Variants in NGEF observed in about 807,000 individuals in gnomAD.
NGEF encodes the protein neuronal guanine nucleotide exchange factor.
A neutral mutation model predicts 80.9 loss-of-function variants in NGEF; 31 were observed. That is an observed-to-expected ratio of 0.38 (90% confidence interval 0.29 to 0.52). NGEF has a LOEUF of 0.52. NGEF is among the 20% of genes least tolerant of loss of function. The pLI is 0.84. For missense variants in NGEF, 709 were observed against 926.2 expected (o/e 0.77, Z 3.04); for synonymous variants, 371 against 370.2 (o/e 1.00, Z -0.03).
chr2:232,947,878 A>G (rs915680874), intron 3 of NGEF, among the ~76,000 whole-genome samples: 10 of 152,204 alleles, frequency 6.6e-5, no homozygotes, highest in African/African-American at 2.4e-4. Context: ...TTTTGATTAC[A>G]GGAATCTAAA....
chr2:232,886,521 T>C (rs114663810), intron 9 of NGEF, among the ~76,000 whole-genome samples: 320 of 152,364 alleles, frequency 2.1e-3, no homozygotes, highest in Admixed American at 6.2e-3. Context: ...GCGAGGTGGC[T>C]AGTGAAGTTT....
intron 3 of NGEF, among the ~76,000 whole-genome samples, chr2:232,960,232 GT>G (rs1442059653): frequency 1.3e-5 from 2 of 152,188 alleles, no homozygotes; most frequent in Non-Finnish European, 2.9e-5. Flanking sequence ...ACATATTAAG[GT>G]TTTTTTCTTA....
chr2:232,969,540 A>C (rs1694143504), intron 3 of NGEF, among the ~76,000 whole-genome samples: 1 of 127,798 alleles, frequency 7.8e-6, no homozygotes, highest in Non-Finnish European at 1.6e-5. Context: ...AGACAGTCTC[A>C]CTCCATCACC....
At chr2:232,891,290 A>C in intron 8 of NGEF, 68 bp downstream of exon 8, 521 of 1,477,058 alleles carry the variant, frequency 3.5e-4, no homozygotes, top group Middle Eastern at 5.3e-4. Flanking sequence ...GAAAGCTGAC[A>C]GGGCCCGGGA....
chr2:232,934,539 C>T (rs538590830), intron 3 of NGEF, among the ~76,000 whole-genome samples: 1 of 152,270 alleles, frequency 6.6e-6, no homozygotes, highest in East Asian at 1.9e-4. Flanking sequence ...ATGTAACCTT[C>T]AGCTAAATTC....
chr2:232,887,883 A>C, intron 9 of NGEF, 150 bp downstream of exon 9: 3 of 701,646 alleles, frequency 4.3e-6, no homozygotes, highest in Non-Finnish European at 5.1e-6. Flanking sequence ...TTTAAGCCCC[A>C]GTGACTCTTT....
Position 232,888,056 on chromosome 2 carries a change from C to T in NGEF, c.1324G>A (p.Asp442Asn), listed in dbSNP as rs1049431330. Residue 442 changes from aspartate to asparagine, a missense_variant, in exon 9 of 15, where the codon GAT (aspartate) becomes AAT (asparagine). Around this residue, in one of 2 missense-constraint regions of NGEF, gnomAD observed 426 missense variants for 622.9 expected, o/e 0.68. Coordinates refer to ENST00000264051, the MANE Select transcript of NGEF (RefSeq NM_019850.3). ...ACCATTTCCAGCTCCTTGTGAGCAT[C>T]CAAAGCAGTGCACTCCCGCTCAGAC... The part of the protein sequence containing the change: ...ERSERECTAL[D>N]AHKELEMVVK... 1.9e-6 allele frequency: 3 copies of T among 1,613,910 alleles called. No homozygotes were observed. Among genetic ancestry groups the T allele is most frequent in the African/African-American group, 2.7e-5 (2 of 74,896 alleles).
intron 3 of NGEF, among the ~76,000 whole-genome samples, chr2:232,957,621 C>T (rs1027807197): frequency 6.6e-6 from 1 of 152,208 alleles, no homozygotes; most frequent in Admixed American, 6.5e-5. Flanking sequence ...CCATGCCCAG[C>T]TCAGTTATTA....
chr2:233,011,661 T>C (rs1380314090), intron 1 of NGEF, among the ~76,000 whole-genome samples: 1 of 151,352 alleles, frequency 6.6e-6, no homozygotes, highest in Non-Finnish European at 1.5e-5. Context: ...GATATGATCA[T>C]AGCCCACCGC....
intron 5 of NGEF, among the ~76,000 whole-genome samples, chr2:232,915,915 T>G (rs1232295239): frequency 6.6e-6 from 1 of 152,156 alleles, no homozygotes; most frequent in East Asian, 1.9e-4. Context: ...GGTCTCGAAC[T>G]CCCGACCTCA....
At chr2:232,881,788 G>A (rs980392715) in intron 13 of NGEF, among the ~76,000 whole-genome samples, 2 of 152,096 alleles carry the variant, frequency 1.3e-5, no homozygotes, top group African/African-American at 4.8e-5. Flanking sequence ...TGTTGGCCAG[G>A]CTTGTCTCGA....
intron 5 of NGEF, among the ~76,000 whole-genome samples, chr2:232,909,923 G>A (rs371416094): frequency 1.3e-5 from 2 of 152,202 alleles, no homozygotes; most frequent in East Asian, 1.9e-4. Flanking sequence ...GAGAAACATC[G>A]ATGCTGTCGC....
intron 3 of NGEF, among the ~76,000 whole-genome samples, chr2:232,968,913 G>A (rs922683316): frequency 6.6e-6 from 1 of 152,224 alleles, no homozygotes; most frequent in African/African-American, 2.4e-5. Context: ...TGGCTGTGAT[G>A]GCTGGAGCTT....
In NGEF at chr2:233,013,236, A is replaced by T. The variant is rs767344227; in HGVS notation, c.-243T>A. The T allele has an allele frequency of 2.1e-5, 10 of 471,052 alleles. No homozygotes were observed. The highest frequency in any genetic ancestry group is 4.0e-5 in the African/African-American group (2 of 50,056). 29.2% of individuals were successfully genotyped at this position (471,052 alleles called of 1,614,324 possible). The stretch of plus-strand genomic sequence containing the variant: ...GCCAAAAACTTCGTCCTGTCCTGGA[A>T]AAGCTTCACTGGTAAGCATTCCCGA... On this transcript the variant is annotated 5_prime_UTR_variant, in exon 1 of 15. Coordinates refer to ENST00000264051, the MANE Select transcript of NGEF (RefSeq NM_019850.3).
intron 12 of NGEF, 52 bp from the exon 13 acceptor site, chr2:232,882,317 C>T: frequency 6.6e-7 from 1 of 1,509,366 alleles, no homozygotes; most frequent in East Asian, 2.3e-5. Context: ...GGCAGCCCCC[C>T]AACGTGTGGC....
At chr2:232,920,854 G>A (rs1692928274) in intron 4 of NGEF, among the ~76,000 whole-genome samples, 1 of 152,010 alleles carries the variant, frequency 6.6e-6, no homozygotes, top group Non-Finnish European at 1.5e-5. Context: ...TCCAATATAT[G>A]CTTTCCCCAC....
At chr2:232,928,928 G>A (rs1693158683) in intron 3 of NGEF, among the ~76,000 whole-genome samples, 1 of 152,134 alleles carries the variant, frequency 6.6e-6, no homozygotes, top group Non-Finnish European at 1.5e-5. Flanking sequence ...AGCGAGGCCT[G>A]GAGGTGCCTA....
intron 3 of NGEF, among the ~76,000 whole-genome samples, chr2:232,952,124 G>A (rs565518547): frequency 6.6e-6 from 1 of 152,364 alleles, no homozygotes; most frequent in East Asian, 1.9e-4. Context: ...TGAGGGTCAT[G>A]CCTCAGGCAG....
intron 3 of NGEF, among the ~76,000 whole-genome samples, chr2:232,956,463 T>C (rs1401699705): frequency 6.6e-6 from 1 of 152,130 alleles, no homozygotes; most frequent in Non-Finnish European, 1.5e-5. Flanking sequence ...ACCAATAAAA[T>C]AGGAGTTTAA....
Sources: allele counts gnomAD v4.1 joint callset (sites outside exome capture counted in the v4.1 genomes callset), GRCh38; gene constraint gnomAD v4.1.1; regional missense constraint gnomAD v4.1.1; transcripts MANE v1.5; gene names NCBI Gene and HGNC (gene_info 2026-07-23, HGNC 2026-07-21).